LDLRAD3: variants seen among roughly 807,000 people sequenced by gnomAD.
LDLRAD3 encodes low density lipoprotein receptor class A domain containing 3.
Under a neutral mutation model 29.4 loss-of-function variants are expected in LDLRAD3, and 20 were observed. That is an observed-to-expected ratio of 0.68 (90% confidence interval 0.48 to 0.99). The LOEUF (loss-of-function observed/expected upper bound fraction) is 0.99, where lower values mean the gene tolerates loss of function less well. Among genes scored for constraint, LDLRAD3 ranks in the 50% least tolerant of loss-of-function variants. The pLI is 0.00. For missense variants in LDLRAD3, 420 were observed against 454.3 expected (o/e 0.92, Z 0.69); for synonymous variants, 157 against 192.7 (o/e 0.81, Z 1.53).
At chr11:36,182,401 A>G (rs900205561) in intron 4 of LDLRAD3, among the ~76,000 whole-genome samples, 1 of 152,248 alleles carries the variant, frequency 6.6e-6, no homozygotes. Flanking sequence ...AAAGAAAGGT[A>G]GTATAGAGAC....
At chr11:36,203,652 C>G (rs1424986293) in intron 4 of LDLRAD3, among the ~76,000 whole-genome samples, 1 of 152,180 alleles carries the variant, frequency 6.6e-6, no homozygotes, top group Non-Finnish European at 1.5e-5. Context: ...TGGATACTTG[C>G]AAAGAACTTT....
intron 2 of LDLRAD3, among the ~76,000 whole-genome samples, chr11:36,051,380 C>A (rs1343306011): frequency 6.6e-6 from 1 of 152,156 alleles, no homozygotes; most frequent in Non-Finnish European, 1.5e-5. Flanking sequence ...TCAAATCATG[C>A]TCTACCTCTA....
chr11:36,121,545 T>C (rs1853757732), intron 4 of LDLRAD3, among the ~76,000 whole-genome samples: 1 of 152,276 alleles, frequency 6.6e-6, no homozygotes, highest in African/African-American at 2.4e-5. Context: ...CGATGGCTCC[T>C]GGGAAGGGTG....
At chr11:36,170,404 AT>A (rs1241153007) in intron 4 of LDLRAD3, among the ~76,000 whole-genome samples, 1 of 151,688 alleles carries the variant, frequency 6.6e-6, no homozygotes, top group African/African-American at 2.4e-5. Context: ...CCACTTGTTG[AT>A]TTATGGGCAT....
intron 4 of LDLRAD3, among the ~76,000 whole-genome samples, chr11:36,165,386 T>C (rs1854499039): frequency 6.6e-6 from 1 of 152,062 alleles, no homozygotes; most frequent in Admixed American, 6.6e-5. Context: ...TTCCTTAGGA[T>C]AGATTACCGT....
intron 4 of LDLRAD3, among the ~76,000 whole-genome samples, chr11:36,120,575 A>G (rs1853741933): frequency 6.6e-6 from 1 of 152,206 alleles, no homozygotes; most frequent in African/African-American, 2.4e-5. Context: ...ATGAGTATCC[A>G]CGTTTTACCA....
intron 2 of LDLRAD3, among the ~76,000 whole-genome samples, chr11:36,063,672 T>C (rs140967681): frequency 5.6e-4 from 85 of 152,334 alleles, no homozygotes; most frequent in African/African-American, 2.0e-3. Context: ...TTGAAAAGAC[T>C]ATCCAGTGAA....
At chr11:36,108,103 G>T (rs1057229126) in intron 4 of LDLRAD3, among the ~76,000 whole-genome samples, 3 of 151,908 alleles carry the variant, frequency 2.0e-5, no homozygotes, top group African/African-American at 7.3e-5. Context: ...GAGGTCAGGA[G>T]ATCAAGATCG....
chr11:36,205,384 C>T (rs1345996690), intron 4 of LDLRAD3, among the ~76,000 whole-genome samples: 9 of 152,106 alleles, frequency 5.9e-5, no homozygotes, highest in Admixed American at 4.6e-4. Flanking sequence ...GGACAGTCAC[C>T]GGCTTCACAC....
In LDLRAD3 at chr11:36,229,862, C is replaced by T. The variant is rs373768692; in HGVS notation, c.*465C>T. 1 of 156,098 alleles carries T rather than the reference C, an allele frequency of 6.4e-6. No individual in the cohort carries two copies. The allele number at this position is 156,098 out of a possible 1,614,324, so 9.7% of individuals were successfully genotyped here. ...AGGCCATCACTGGATGGTCACCCCC[C>T]CAAAAAAATTCCATTTGAGCATCAA... On this transcript the variant is annotated 3_prime_UTR_variant, in exon 6 of 6. Transcript: ENST00000315571.
chr11:36,071,816 G>A (rs1012404822), intron 2 of LDLRAD3, among the ~76,000 whole-genome samples: 1 of 152,156 alleles, frequency 6.6e-6, no homozygotes, highest in African/African-American at 2.4e-5. Flanking sequence ...GAGCTTGTTA[G>A]GAATGCAGGA....
intron 4 of LDLRAD3, among the ~76,000 whole-genome samples, chr11:36,128,278 G>C (rs116193121): frequency 0.022 from 3,389 of 152,044 alleles, 124 homozygotes; most frequent in African/African-American, 0.078. Flanking sequence ...CTGGCCCAGG[G>C]ACAGGGAGCT....
chr11:36,176,453 G>C (rs1854676964), intron 4 of LDLRAD3, among the ~76,000 whole-genome samples: 1 of 150,960 alleles, frequency 6.6e-6, no homozygotes, highest in South Asian at 2.1e-4. Context: ...TGTATTTCAA[G>C]GTTTTTTTTT....
At chr11:36,085,571 T>C (rs1459517917) in intron 3 of LDLRAD3, among the ~76,000 whole-genome samples, 1 of 152,138 alleles carries the variant, frequency 6.6e-6, no homozygotes, top group East Asian at 1.9e-4. Flanking sequence ...GATCTGTTTT[T>C]ATAGTCCCAC....
At chr11:35,970,206 G>A (rs1201581802) in intron 1 of LDLRAD3, among the ~76,000 whole-genome samples, 1 of 152,192 alleles carries the variant, frequency 6.6e-6, no homozygotes, top group African/African-American at 2.4e-5. Context: ...CCTAAAACCT[G>A]GTACTTGTGA....
At chr11:36,099,516 C>G (rs1235121487) in intron 4 of LDLRAD3, among the ~76,000 whole-genome samples, 2 of 151,986 alleles carry the variant, frequency 1.3e-5, no homozygotes, top group Non-Finnish European at 2.9e-5. Flanking sequence ...GTTCAGTGTT[C>G]TACTGTATGA....
intron 4 of LDLRAD3, among the ~76,000 whole-genome samples, chr11:36,204,643 A>G (rs940893598): frequency 6.6e-6 from 1 of 151,346 alleles, no homozygotes; most frequent in African/African-American, 2.4e-5. Flanking sequence ...ACCCACCACC[A>G]CGCCCTGCTA....
At chr11:36,067,076 G>A (rs1852807065) in intron 2 of LDLRAD3, among the ~76,000 whole-genome samples, 1 of 152,076 alleles carries the variant, frequency 6.6e-6, no homozygotes, top group Non-Finnish European at 1.5e-5. Flanking sequence ...TGTCTGGAGT[G>A]TCCTTCCCTC....
At chr11:36,192,858 T>G (rs1038132202) in intron 4 of LDLRAD3, among the ~76,000 whole-genome samples, 1 of 152,138 alleles carries the variant, frequency 6.6e-6, no homozygotes, top group African/African-American at 2.4e-5. Flanking sequence ...CACATGCTCG[T>G]GAGTATAGCA....
Sources: allele counts gnomAD v4.1 joint callset (sites outside exome capture counted in the v4.1 genomes callset), GRCh38; gene constraint gnomAD v4.1.1; transcripts MANE v1.5; gene names NCBI Gene and HGNC (gene_info 2026-07-23, HGNC 2026-07-21).